SCN7A: variants seen among roughly 807,000 people sequenced by gnomAD.
SCN7A encodes sodium voltage-gated channel alpha subunit 7.
SCN7A carries 138 observed loss-of-function variants against 155.2 expected under a neutral mutation model. The observed-to-expected ratio is 0.89, with a 90% confidence interval of 0.77 to 1.02. The LOEUF is 1.02. Among genes scored for constraint, SCN7A ranks in the 50% least tolerant of loss-of-function variants. The pLI, the probability that SCN7A is intolerant of heterozygous loss-of-function variation, is 0.00. For missense variants in SCN7A, 2,058 were observed against 1,986.6 expected (o/e 1.04, Z -0.68); for synonymous variants, 693 against 649.0 (o/e 1.07, Z -1.03).
In SCN7A at chr2:166,491,205, C is replaced by A. The variant is rs186769305; in HGVS notation, c.-128+2763G>T. Among the ~76,000 whole-genome samples the A allele has an allele frequency of 1.4e-3, 214 of 152,274 alleles. 1 individual carries two copies. The highest frequency in any genetic ancestry group is 4.9e-3 in the African/African-American group (203 of 41,566). Reference sequence around the variant, plus strand: ...TCCTGTTCTAGTTTAACACCAAATGCCCTATCATAATATCAGACCTTTCTA... The same window carrying A: ...TCCTGTTCTAGTTTAACACCAAATGACCTATCATAATATCAGACCTTTCTA... On this transcript the variant is annotated intron_variant, in intron 1 of 25. Coordinates refer to ENST00000643258, the MANE Select transcript of SCN7A (RefSeq NM_002976.4).
intron 15 of SCN7A, among the ~76,000 whole-genome samples, chr2:166,438,047 G>T (rs954071962): frequency 6.6e-6 from 1 of 152,110 alleles, no homozygotes; most frequent in African/African-American, 2.4e-5. Flanking sequence ...TATGAGATTT[G>T]GGAAGGGCCA....
At chr2:166,425,455 C>T (rs1332830474) in intron 18 of SCN7A, among the ~76,000 whole-genome samples, 1 of 151,992 alleles carries the variant, frequency 6.6e-6, no homozygotes, top group East Asian at 1.9e-4. Context: ...TAACAGATTA[C>T]CACAAATTTA....
At chr2:166,425,443 T>C (rs1248095634) in intron 18 of SCN7A, among the ~76,000 whole-genome samples, 2 of 152,076 alleles carry the variant, frequency 1.3e-5, no homozygotes, top group Non-Finnish European at 2.9e-5. Flanking sequence ...CTATTGTGAC[T>C]GTAACAGATT....
chr2:166,414,177 A>C (rs1701287750), intron 21 of SCN7A, among the ~76,000 whole-genome samples: 1 of 55,166 alleles, frequency 1.8e-5, no homozygotes, highest in African/African-American at 7.4e-5. Flanking sequence ...ATATATATGT[A>C]AATATATATA....
chr2:166,470,827 CAT>C (rs1302520623), intron 6 of SCN7A, 121 bp from the exon 7 acceptor site: 3 of 776,900 alleles, frequency 3.9e-6, no homozygotes, highest in African/African-American at 3.6e-5. Context: ...CCCTTGATCA[CAT>C]GATTCCATAT....
At chr2:166,465,340 G>T in intron 9 of SCN7A, 122 bp downstream of exon 9, 1 of 729,948 alleles carries the variant, frequency 1.4e-6, no homozygotes, top group Non-Finnish European at 2.3e-6. Context: ...TTCTCAGTAT[G>T]GTTTTGATGA....
chr2:166,465,561 T>C (rs1702511410), intron 8 of SCN7A, 30 bp from the exon 9 acceptor site: 7 of 1,499,508 alleles, frequency 4.7e-6, no homozygotes, highest in African/African-American at 1.4e-5. Context: ...TGATATTCTA[T>C]ATGTAATTAT....
intron 12 of SCN7A, among the ~76,000 whole-genome samples, chr2:166,447,363 A>C (rs957466744): frequency 6.6e-6 from 1 of 152,180 alleles, no homozygotes; most frequent in African/African-American, 2.4e-5. Context: ...TTTAGTCACA[A>C]GTTAATATGT....
At chr2:166,426,221 C>A (rs1286988264) in intron 18 of SCN7A, among the ~76,000 whole-genome samples, 1 of 152,074 alleles carries the variant, frequency 6.6e-6, no homozygotes, top group Non-Finnish European at 1.5e-5. Flanking sequence ...TCAGTAGAAT[C>A]TGATGCAACA....
intron 11 of SCN7A, among the ~76,000 whole-genome samples, chr2:166,453,349 T>C (rs1047340476): frequency 3.9e-5 from 6 of 152,146 alleles, no homozygotes; most frequent in Admixed American, 1.3e-4. Context: ...AAAATGTGAG[T>C]TTATTCAATC....
chr2:166,449,712 C>T (rs913896126), intron 11 of SCN7A, among the ~76,000 whole-genome samples: 3 of 151,890 alleles, frequency 2.0e-5, no homozygotes, highest in African/African-American at 7.3e-5. Flanking sequence ...CCTCAGTAAT[C>T]ATTAGAGAAA....
At chr2:166,409,560 T>C in intron 25 of SCN7A, 105 bp downstream of exon 25, 2 of 884,034 alleles carry the variant, frequency 2.3e-6, no homozygotes, top group East Asian at 2.8e-5. Flanking sequence ...TAGGAGACTA[T>C]ATTTCATGAT....
At chr2:166,445,175 G>T (rs1409702338) in intron 12 of SCN7A, among the ~76,000 whole-genome samples, 175 bp from the exon 13 acceptor site, 1 of 152,034 alleles carries the variant, frequency 6.6e-6, no homozygotes, top group Non-Finnish European at 1.5e-5. Context: ...AAATAGTTGG[G>T]TGTGGTGGTG....
intron 25 of SCN7A, among the ~76,000 whole-genome samples, chr2:166,408,090 C>T (rs767359267): frequency 2.7e-4 from 41 of 152,166 alleles, no homozygotes; most frequent in Non-Finnish European, 4.6e-4. Flanking sequence ...TTCCCCACTC[C>T]ACTTTCCTCA....
intron 11 of SCN7A, among the ~76,000 whole-genome samples, chr2:166,455,242 T>C (rs907921570): frequency 6.6e-6 from 1 of 152,138 alleles, no homozygotes; most frequent in African/African-American, 2.4e-5. Flanking sequence ...AGCTCTCTTA[T>C]TGAAATATTT....
In SCN7A at chr2:166,438,506, A is replaced by G. The variant is rs1249922621; in HGVS notation, c.2157+2890T>C. The stretch of plus-strand genomic sequence containing the variant: ...AACTCTGCTTTTTCTACAACTCAAC[A>G]AGACAGAACTATTTAAAAACCAATT... On this transcript the variant is annotated intron_variant, in intron 15 of 25. Coordinates refer to ENST00000643258, the MANE Select transcript of SCN7A (RefSeq NM_002976.4). Among the ~76,000 whole-genome samples, 3 of 152,206 alleles carry G rather than the reference A, an allele frequency of 2.0e-5. No individual in the cohort carries two copies. In the East Asian group the frequency reaches 5.8e-4, roughly 29 times the overall value.
intron 11 of SCN7A, among the ~76,000 whole-genome samples, chr2:166,451,415 T>A (rs1249685603): frequency 6.6e-6 from 1 of 152,298 alleles, no homozygotes; most frequent in South Asian, 2.1e-4. Flanking sequence ...CTGTGGATAT[T>A]TAAGAGCTAA....
chr2:166,453,839 TCA>T (rs1702225117), intron 11 of SCN7A, among the ~76,000 whole-genome samples: 1 of 152,150 alleles, frequency 6.6e-6, no homozygotes, highest in Non-Finnish European at 1.5e-5. Flanking sequence ...TGTAGAGCCC[TCA>T]GTTTGTTCCA....
intron 10 of SCN7A, among the ~76,000 whole-genome samples, chr2:166,459,664 T>C (rs1341920398): frequency 6.6e-6 from 1 of 152,142 alleles, no homozygotes; most frequent in Non-Finnish European, 1.5e-5. Flanking sequence ...ACAAACTCTA[T>C]CTATATTAGT....
Sources: gnomAD v4.1 joint callset for allele counts (sites outside exome capture counted in the v4.1 genomes callset) on GRCh38, gnomAD v4.1.1 for gene constraint, MANE v1.5 for transcripts, NCBI Gene and HGNC (gene_info 2026-07-23, HGNC 2026-07-21) for gene names.